EFCAB11: variants seen among roughly 807,000 people sequenced by gnomAD.
EFCAB11 encodes the protein EF-hand calcium binding domain 11, also known as EF-hand calcium-binding domain-containing protein 11.
EFCAB11 carries 14 observed loss-of-function variants against 23.0 expected under a neutral mutation model. The ratio of observed to expected loss-of-function variants is 0.61; its 90% CI spans 0.40 to 0.95. EFCAB11 has a LOEUF of 0.95. Ranked by LOEUF, EFCAB11 falls within the 40% of genes least tolerant of loss-of-function variation. EFCAB11 has a pLI of 0.00. For synonymous variants in EFCAB11, 65 were observed against 66.6 expected, an observed-to-expected ratio of 0.98 and a Z score of 0.11; for missense variants, 198 against 195.8, an observed-to-expected ratio of 1.01 and a Z score of -0.07.
chr14:89,943,601 T>G (rs1429826939), intron 3 of EFCAB11, among the ~76,000 whole-genome samples: 2 of 152,292 alleles, frequency 1.3e-5, no homozygotes, highest in South Asian at 4.1e-4. Flanking sequence ...TGGAAAAACA[T>G]TTAATCTGCA....
At position 89,841,440 on chromosome 14, in the gene EFCAB11, T is replaced by C. The variant is rs552077659; in HGVS notation, c.411-44116A>G. Among the ~76,000 whole-genome samples the C allele has an allele frequency of 2.0e-5, 3 of 151,478 alleles. No individual in the cohort carries two copies. The East Asian group carries it at 5.9e-4, about 30-fold the overall frequency. ...CTCCCCTCCCCCTCAACTACTCTCT[T>C]CTTCCCCGCCGCACCCCCAGTCTGC... On this transcript the variant is annotated intron_variant, in intron 5 of 5. Transcript: ENST00000316738.
intron 5 of EFCAB11, among the ~76,000 whole-genome samples, chr14:89,821,193 T>A (rs978141228): frequency 3.3e-5 from 5 of 152,144 alleles, no homozygotes; most frequent in African/African-American, 1.2e-4. Flanking sequence ...AGACTTTGAG[T>A]AAAGCAGATT....
At chr14:89,902,832 TTC>T (rs1237489831) in intron 5 of EFCAB11, among the ~76,000 whole-genome samples, 1 of 152,226 alleles carries the variant, frequency 6.6e-6, no homozygotes, top group Non-Finnish European at 1.5e-5. Context: ...TTTAATTATA[TTC>T]TGTTACTAAA....
At chr14:89,950,835 G>A (rs772572374) in intron 2 of EFCAB11, among the ~76,000 whole-genome samples, 1 of 152,032 alleles carries the variant, frequency 6.6e-6, no homozygotes, top group Non-Finnish European at 1.5e-5. Context: ...AGTATTTCCT[G>A]CATTTTCCTG....
intron 5 of EFCAB11, among the ~76,000 whole-genome samples, chr14:89,910,320 G>A (rs951745846): frequency 1.3e-5 from 2 of 152,156 alleles, no homozygotes; most frequent in East Asian, 3.9e-4. Flanking sequence ...TCTAGTGACC[G>A]GGTGCAGTGG....
At chr14:89,855,170 C>CT (rs764566938) in intron 5 of EFCAB11, among the ~76,000 whole-genome samples, 2,443 of 140,966 alleles carry the variant, frequency 0.017, 59 homozygotes, top group African/African-American at 0.058. Context: ...AGGACAGCTT[C>CT]TTTTTTTTTT....
At chr14:89,952,297 G>T in intron 2 of EFCAB11, 2 of 581,856 alleles carry the variant, frequency 3.4e-6, no homozygotes, top group Non-Finnish European at 4.3e-6. Flanking sequence ...TGTACAGTAT[G>T]TTACATCACT....
intron 5 of EFCAB11, among the ~76,000 whole-genome samples, chr14:89,828,634 T>C (rs1425729569): frequency 6.6e-6 from 1 of 152,176 alleles, no homozygotes; most frequent in Non-Finnish European, 1.5e-5. Flanking sequence ...CCATCAGAAC[T>C]TATGGGGTGT....
intron 5 of EFCAB11, among the ~76,000 whole-genome samples, chr14:89,853,326 G>A (rs1887652294): frequency 6.6e-6 from 1 of 152,150 alleles, no homozygotes; most frequent in African/African-American, 2.4e-5. Context: ...TTAATCTGAT[G>A]AATTGGTTAA....
At chr14:89,852,963 T>C (rs947014232) in intron 5 of EFCAB11, among the ~76,000 whole-genome samples, 1 of 152,150 alleles carries the variant, frequency 6.6e-6, no homozygotes, top group Non-Finnish European at 1.5e-5. Context: ...GCAACCACCA[T>C]TCTCCTTTCA....
intron 5 of EFCAB11, among the ~76,000 whole-genome samples, chr14:89,902,841 T>C (rs1053742479): frequency 1.3e-5 from 2 of 152,244 alleles, no homozygotes; most frequent in African/African-American, 2.4e-5. Flanking sequence ...ATTCTGTTAC[T>C]AAAGCTATTA....
intron 3 of EFCAB11, among the ~76,000 whole-genome samples, chr14:89,942,044 C>G (rs1890812782): frequency 6.6e-6 from 1 of 151,882 alleles, no homozygotes; most frequent in East Asian, 1.9e-4. Context: ...ATTCCCCGTT[C>G]ACTCTCTCTC....
intron 5 of EFCAB11, among the ~76,000 whole-genome samples, chr14:89,821,602 G>T (rs1886521309): frequency 6.6e-6 from 1 of 152,178 alleles, no homozygotes; most frequent in Admixed American, 6.5e-5. Context: ...CACTTTCAGA[G>T]ATTGGACAAC....
At chr14:89,905,331 C>T (rs948513146) in intron 5 of EFCAB11, among the ~76,000 whole-genome samples, 1 of 152,162 alleles carries the variant, frequency 6.6e-6, no homozygotes, top group African/African-American at 2.4e-5. Flanking sequence ...GAACAATGTT[C>T]CACATGTTAG....
intron 5 of EFCAB11, among the ~76,000 whole-genome samples, chr14:89,893,511 C>G (rs1286544032): frequency 2.0e-5 from 3 of 152,072 alleles, no homozygotes; most frequent in Non-Finnish European, 4.4e-5. Context: ...TCAGCTTGCC[C>G]CACTCTCTGG....
At chr14:89,857,736 A>C (rs558539798) in intron 5 of EFCAB11, among the ~76,000 whole-genome samples, 1 of 152,320 alleles carries the variant, frequency 6.6e-6, no homozygotes, top group South Asian at 2.1e-4. Context: ...CTTCAATAAG[A>C]AGGCTTCTCA....
chr14:89,851,600 T>G (rs1301988305), intron 5 of EFCAB11, among the ~76,000 whole-genome samples: 1 of 152,208 alleles, frequency 6.6e-6, no homozygotes, highest in Non-Finnish European at 1.5e-5. Flanking sequence ...GACTTCCACT[T>G]TAGCATTGAC....
intron 3 of EFCAB11, among the ~76,000 whole-genome samples, chr14:89,949,444 A>G: frequency 6.6e-6 from 1 of 152,168 alleles, no homozygotes; most frequent in African/African-American, 2.4e-5. Flanking sequence ...AGCTCATTGC[A>G]ATCTCTACCT....
chr14:89,898,976 C>A (rs1288183735), intron 5 of EFCAB11, among the ~76,000 whole-genome samples: 1 of 152,116 alleles, frequency 6.6e-6, no homozygotes, highest in Non-Finnish European at 1.5e-5. Flanking sequence ...GCTTGGCCTG[C>A]AATTTTCTTT....
Sources: allele counts gnomAD v4.1 joint callset (sites outside exome capture counted in the v4.1 genomes callset), GRCh38; gene constraint gnomAD v4.1.1; transcripts MANE v1.5; gene names NCBI Gene and HGNC (gene_info 2026-07-23, HGNC 2026-07-21).